SPATA17: variants seen among roughly 807,000 people sequenced by gnomAD.
The protein encoded by SPATA17 is spermatogenesis-associated protein 17.
SPATA17 carries 53 observed loss-of-function variants against 62.2 expected under a neutral mutation model. The ratio of observed to expected loss-of-function variants is 0.85; its 90% confidence interval spans 0.68 to 1.07. SPATA17 has a LOEUF of 1.07. SPATA17 is among the 50% of genes least tolerant of loss of function. SPATA17 has a pLI of 0.00. For synonymous variants in SPATA17, 146 were observed against 146.8 expected, an observed-to-expected ratio of 0.99 and a Z score of 0.04; for missense variants, 466 against 425.5, an observed-to-expected ratio of 1.10 and a Z score of -0.84.
chr1:217,861,874 G>C (rs1253534594), intron 9 of SPATA17, among the ~76,000 whole-genome samples: 2 of 152,078 alleles, frequency 1.3e-5, no homozygotes, highest in Non-Finnish European at 2.9e-5. Context: ...GCTTGAAAAA[G>C]CATTAATTGT....
intron 9 of SPATA17, among the ~76,000 whole-genome samples, chr1:217,838,483 A>G (rs564933552): frequency 1.1e-4 from 16 of 152,182 alleles, no homozygotes; most frequent in Non-Finnish European, 2.4e-4. Context: ...ATAAAGATAT[A>G]TAAAGTGAAT....
chr1:217,631,921 G>A (rs1179947306), intron 1 of SPATA17, among the ~76,000 whole-genome samples: 1 of 152,116 alleles, frequency 6.6e-6, no homozygotes, highest in Admixed American at 6.5e-5. Context: ...GGTGGCTCAC[G>A]CCTGTAATCC....
intron 9 of SPATA17, among the ~76,000 whole-genome samples, chr1:217,851,460 G>A (rs1330673954): frequency 3.3e-5 from 5 of 151,712 alleles, no homozygotes; most frequent in South Asian, 2.1e-4. Flanking sequence ...TTTAGAAACA[G>A]CATTTGATTT....
intron 1 of SPATA17, among the ~76,000 whole-genome samples, chr1:217,641,409 G>A (rs996199651): frequency 2.8e-4 from 43 of 151,234 alleles, no homozygotes; most frequent in Non-Finnish European, 4.7e-4. Flanking sequence ...AATCAGGAGG[G>A]AAAAAAAATC....
At chr1:217,696,810 T>C (rs1395673262) in intron 5 of SPATA17, among the ~76,000 whole-genome samples, 1 of 152,158 alleles carries the variant, frequency 6.6e-6, no homozygotes, top group Non-Finnish European at 1.5e-5. Context: ...ATGTCTATCT[T>C]CCTTAAGCTA....
Position 217,782,093 on chromosome 1 carries a change from A to G in SPATA17, c.724-81A>G, listed in dbSNP as rs1673740335. 8.9e-6 allele frequency: 12 copies of G among 1,345,880 alleles called. No homozygotes were observed. In the South Asian group the frequency reaches 9.4e-5, roughly 11 times the overall value. 83.4% of individuals were successfully genotyped at this position (1,345,880 alleles called of 1,614,324 possible). ...ACTTAGTAAACCTGCTATACTTTGTAGATGTTCACTAGCCTTGGTCATCAG... is the reference window on the plus strand; with the variant it reads ...ACTTAGTAAACCTGCTATACTTTGTGGATGTTCACTAGCCTTGGTCATCAG... On this transcript the variant is annotated intron_variant, in intron 7 of 10. Transcript: ENST00000366933.
chr1:217,699,499 A>G (rs903895484), intron 5 of SPATA17, among the ~76,000 whole-genome samples: 4 of 152,160 alleles, frequency 2.6e-5, no homozygotes, highest in Admixed American at 6.5e-5. Context: ...CCATTTGCAT[A>G]TACTTTTTTG....
chr1:217,775,639 T>C (rs1392939710), intron 7 of SPATA17, among the ~76,000 whole-genome samples: 1 of 151,908 alleles, frequency 6.6e-6, no homozygotes, highest in Non-Finnish European at 1.5e-5. Context: ...GAGGCGGAGG[T>C]TGCAGTGAGC....
At chr1:217,810,310 A>G (rs1674555645) in intron 9 of SPATA17, among the ~76,000 whole-genome samples, 2 of 152,168 alleles carry the variant, frequency 1.3e-5, no homozygotes, top group African/African-American at 4.8e-5. Flanking sequence ...CATACTTAAG[A>G]AAAATAATCA....
intron 3 of SPATA17, among the ~76,000 whole-genome samples, chr1:217,668,198 T>A (rs1670745962): frequency 1.3e-5 from 2 of 152,222 alleles, no homozygotes; most frequent in African/African-American, 2.4e-5. Context: ...AATATGTATC[T>A]CATTGCTTTT....
intron 5 of SPATA17, among the ~76,000 whole-genome samples, chr1:217,714,791 C>G (rs1442347475): frequency 6.6e-6 from 1 of 151,962 alleles, no homozygotes; most frequent in African/African-American, 2.4e-5. Flanking sequence ...AGCCGGAAAA[C>G]GTGTTTCTAA....
intron 9 of SPATA17, among the ~76,000 whole-genome samples, chr1:217,856,756 C>G (rs906515263): frequency 6.6e-6 from 1 of 152,204 alleles, no homozygotes; most frequent in Non-Finnish European, 1.5e-5. Flanking sequence ...AGTCCTACAA[C>G]TGTAACAGTT....
intron 8 of SPATA17, among the ~76,000 whole-genome samples, chr1:217,783,283 G>GTT: frequency 6.6e-6 from 1 of 151,650 alleles, no homozygotes; most frequent in East Asian, 1.9e-4. Flanking sequence ...ACAGTTATAA[G>GTT]TTATATATAC....
intron 9 of SPATA17, among the ~76,000 whole-genome samples, chr1:217,814,129 A>T (rs896624575): frequency 1.3e-5 from 2 of 152,220 alleles, no homozygotes; most frequent in African/African-American, 4.8e-5. Flanking sequence ...AAAAGATTAA[A>T]TCTGAGCATA....
At chr1:217,768,169 A>G (rs1024950342) in intron 6 of SPATA17, among the ~76,000 whole-genome samples, 2 of 152,012 alleles carry the variant, frequency 1.3e-5, no homozygotes, top group African/African-American at 2.4e-5. Context: ...CACTTGAACC[A>G]GGGAGGCGGA....
At chr1:217,783,940 T>A (rs1369919121) in intron 8 of SPATA17, among the ~76,000 whole-genome samples, 1 of 152,094 alleles carries the variant, frequency 6.6e-6, no homozygotes, top group Non-Finnish European at 1.5e-5. Context: ...AAAGTCTTTC[T>A]AAGATTTTCA....
At chr1:217,820,177 C>T (rs896921231) in intron 9 of SPATA17, among the ~76,000 whole-genome samples, 3 of 151,782 alleles carry the variant, frequency 2.0e-5, no homozygotes, top group Non-Finnish European at 4.4e-5. Context: ...GAGATCTGGC[C>T]GGATATAGAA....
intron 9 of SPATA17, among the ~76,000 whole-genome samples, chr1:217,837,635 G>A (rs758326995): frequency 2.0e-5 from 3 of 152,084 alleles, no homozygotes; most frequent in African/African-American, 2.4e-5. Context: ...CTGGCCCTGC[G>A]TGTAGCTATA....
At chr1:217,857,242 G>T (rs10863350) in intron 9 of SPATA17, among the ~76,000 whole-genome samples, 72,247 of 152,054 alleles carry the variant, frequency 0.48, 18,269 homozygotes, top group African/African-American at 0.63. Flanking sequence ...AATAACTAGA[G>T]AAACAGTGCA....
Sources: allele counts gnomAD v4.1 joint callset (sites outside exome capture counted in the v4.1 genomes callset), GRCh38; gene constraint gnomAD v4.1.1; transcripts MANE v1.5; gene names NCBI Gene and HGNC (gene_info 2026-07-23, HGNC 2026-07-21).